The following NSUN3 variants were observed in gnomAD, a reference collection of about 807,000 sequenced individuals.
The protein encoded by NSUN3 is tRNA (cytosine(34)-C(5))-methyltransferase, mitochondrial.
In NSUN3, 24 loss-of-function variants were observed where a neutral mutation model predicts 36.8. The ratio of observed to expected loss-of-function variants is 0.65; its 90% CI spans 0.47 to 0.92. NSUN3 has a LOEUF of 0.92. Among genes scored for constraint, NSUN3 ranks in the 40% least tolerant of loss-of-function variants. The pLI is 0.00. For missense variants in NSUN3, 381 were observed against 392.8 expected, an observed-to-expected ratio of 0.97 and a Z score of 0.25; for synonymous variants, 146 against 145.2, an observed-to-expected ratio of 1.01 and a Z score of -0.04.
intron 1 of NSUN3, chr3:94,064,200 C>T (rs969932091): frequency 2.8e-5 from 14 of 499,826 alleles, no homozygotes; most frequent in Non-Finnish European, 4.3e-5. Flanking sequence ...TCTTCAGCCC[C>T]AGTAGATTCT....
intron 2 of NSUN3, among the ~76,000 whole-genome samples, chr3:94,065,957 T>G (rs1312479661): frequency 6.6e-6 from 1 of 152,036 alleles, no homozygotes; most frequent in African/African-American, 2.4e-5. Flanking sequence ...TTCACTCAGC[T>G]AATAAGTGGC....
At chr3:94,116,436 A>G (rs1238334443) in intron 5 of NSUN3, among the ~76,000 whole-genome samples, 1 of 152,218 alleles carries the variant, frequency 6.6e-6, no homozygotes, top group East Asian at 1.9e-4. Context: ...GAGTGAGAGA[A>G]GGAATCCTTG....
chr3:94,063,154 C>G lies in NSUN3; in HGVS notation c.12+16C>G. 1 of 1,613,604 alleles carries G rather than the reference C, an allele frequency of 6.2e-7. No homozygotes were observed. Among genetic ancestry groups the G allele is most frequent in the Non-Finnish European group, 8.5e-7 (1 of 1,179,796 alleles). ...GCTGACCCAGGTGAGACCTGGGGCC[C>G]GGCTGGGTACCTCTATCTGAATGAG... On this transcript the variant is annotated intron_variant, in intron 1 of 5. Transcript: ENST00000314622.
Position 94,066,985 on chromosome 3 carries a change from T to C in NSUN3, c.122+2439T>C, listed in dbSNP as rs1303572352. ...CGATCTCTAAGCCCTTGGAATGTGC[T>C]TCCTGATAAGTGTGTCTTTGTTTAC... On this transcript the variant is annotated intron_variant, in intron 2 of 5. Transcript: ENST00000314622. Among the ~76,000 whole-genome samples, 3 of 152,312 alleles carry C rather than the reference T, an allele frequency of 2.0e-5. No homozygotes were observed. In the East Asian group the frequency reaches 5.8e-4, roughly 29 times the overall value.
rs1336547603 is a variant in NSUN3 at position 94,084,169 on chromosome 3, C to A, written c.185C>A (p.Pro62His). ...GTCCTGCTTAACCGATTCAATTATC[C>A]TTTTGAACTGGAAAAGGATTTACAT... ...YAVLLNRFNY[P>H]FELEKDLHLK... Residue 62 changes from proline to histidine, a missense_variant, in exon 3 of 6, where the codon CCT (proline) becomes CAT (histidine). By Grantham distance (77) the Pro-to-His change is moderately conservative. Transcript: ENST00000314622. 1.9e-6 allele frequency: 3 copies of A among 1,614,012 alleles called. No individual in the cohort carries two copies. In the African/African-American group the frequency reaches 4.0e-5, roughly 22 times the overall value.
At chr3:94,111,530 T>G (rs895187074) in intron 5 of NSUN3, among the ~76,000 whole-genome samples, 1 of 152,268 alleles carries the variant, frequency 6.6e-6, no homozygotes, top group East Asian at 1.9e-4. Flanking sequence ...TACAAAAATA[T>G]TTTCTTTCTT....
At chr3:94,125,686 C>G (rs183671145) in intron 5 of NSUN3, among the ~76,000 whole-genome samples, 13 of 152,354 alleles carry the variant, frequency 8.5e-5, no homozygotes, top group Admixed American at 7.8e-4. Context: ...ATCAACCAGT[C>G]TAACTTACTC....
At position 94,129,335 on chromosome 3, in the gene NSUN3, A is replaced by G. The variant is rs985152301; in HGVS notation, c.*2845A>G. Among the ~76,000 whole-genome samples, 1 of 152,238 alleles carries G rather than the reference A, an allele frequency of 6.6e-6. No homozygotes were observed. Among genetic ancestry groups the G allele is most frequent in the African/African-American group, 2.4e-5 (1 of 41,468 alleles). On this transcript the variant is annotated 3_prime_UTR_variant, in exon 6 of 6. Transcript: ENST00000314622. ...TATTACACAGTGATAAAAAAGAATG[A>G]AATAATGTCTTTTGCAACAACATGG... is the stretch of plus-strand genomic sequence containing the variant.
chr3:94,091,776 C>T (rs2077316059), intron 3 of NSUN3, among the ~76,000 whole-genome samples: 1 of 152,096 alleles, frequency 6.6e-6, no homozygotes, highest in African/African-American at 2.4e-5. Flanking sequence ...TCTCTGAGGC[C>T]CTTAGTATTT....
intron 2 of NSUN3, chr3:94,081,982 AAAG>A (rs148160366): frequency 1.1e-4 from 17 of 152,344 alleles, no homozygotes; most frequent in African/African-American, 3.1e-4. Flanking sequence ...CTGAAGAAAA[AAAG>A]AAGAACGAAT....
chr3:94,120,845 G>A lies in NSUN3; in HGVS notation c.744-5366G>A, dbSNP rs191320359. 5.8e-4 allele frequency among the ~76,000 whole-genome samples: 89 copies of A among 152,226 alleles called. No homozygotes were observed. In the East Asian group the frequency reaches 6.8e-3, roughly 12 times the overall value. ...TTGATTTTTAAGTTTCTGAGGAGCC[G>A]TCATATTGTTTTCCATAGTGGCTAT... is the stretch of plus-strand genomic sequence containing the variant. On this transcript the variant is annotated intron_variant, in intron 5 of 5. Transcript: ENST00000314622.
chr3:94,097,079 G>C (rs2077344631), intron 5 of NSUN3, among the ~76,000 whole-genome samples: 1 of 151,752 alleles, frequency 6.6e-6, no homozygotes, highest in Admixed American at 6.6e-5. Flanking sequence ...TTTATCGTCT[G>C]TTTCCTTTAT....
intron 5 of NSUN3, among the ~76,000 whole-genome samples, chr3:94,103,306 T>C (rs111334734): frequency 2.6e-5 from 4 of 152,136 alleles, no homozygotes; most frequent in African/African-American, 9.6e-5. Context: ...AGACCTATAA[T>C]AGAGAGAACA....
At chr3:94,104,367 TA>T (rs1283744962) in intron 5 of NSUN3, among the ~76,000 whole-genome samples, 1 of 152,200 alleles carries the variant, frequency 6.6e-6, no homozygotes, top group African/African-American at 2.4e-5. Flanking sequence ...TGATAGTGGA[TA>T]AGGTCTCTGG....
chr3:94,107,297 T>TTTG (rs1282357654), intron 5 of NSUN3, among the ~76,000 whole-genome samples: 1 of 152,084 alleles, frequency 6.6e-6, no homozygotes, highest in African/African-American at 2.4e-5. Context: ...TTGTTTTGTT[T>TTTG]TTGTTGTTGT....
chr3:94,069,970 AT>A (rs896353836), intron 2 of NSUN3, among the ~76,000 whole-genome samples: 1 of 151,196 alleles, frequency 6.6e-6, no homozygotes, highest in Non-Finnish European at 1.5e-5. Context: ...GTTTTACTTA[AT>A]TTTTTTTTGG....
At chr3:94,123,901 T>G (rs938962779) in intron 5 of NSUN3, among the ~76,000 whole-genome samples, 1 of 152,106 alleles carries the variant, frequency 6.6e-6, no homozygotes, top group Admixed American at 6.6e-5. Context: ...CCTAATCCTT[T>G]TATCCTGCTT....
At chr3:94,122,434 T>C (rs1024821899) in intron 5 of NSUN3, among the ~76,000 whole-genome samples, 3 of 152,168 alleles carry the variant, frequency 2.0e-5, no homozygotes, top group Admixed American at 1.3e-4. Context: ...ATTCATTTTC[T>C]AAAATTGTCA....
chr3:94,067,446 T>C (rs1181399412), intron 2 of NSUN3, among the ~76,000 whole-genome samples: 2 of 152,210 alleles, frequency 1.3e-5, no homozygotes, highest in Non-Finnish European at 2.9e-5. Context: ...AGAGTCATCC[T>C]TGGAATCCCT....
Sources: allele counts gnomAD v4.1 joint callset (sites outside exome capture counted in the v4.1 genomes callset), GRCh38; gene constraint gnomAD v4.1.1; transcripts MANE v1.5; gene names NCBI Gene and HGNC (gene_info 2026-07-23, HGNC 2026-07-21).